Variants in MAN2B1 observed in about 807,000 individuals in gnomAD.
MAN2B1 encodes the protein mannosidase alpha class 2B member 1, also known as lysosomal alpha-mannosidase.
Under a neutral mutation model 127.5 loss-of-function variants are expected in MAN2B1, and 99 were observed. The ratio of observed to expected loss-of-function variants is 0.78; its 90% CI spans 0.66 to 0.92. MAN2B1 has a LOEUF of 0.92. Among genes scored for constraint, MAN2B1 ranks in the 40% least tolerant of loss-of-function variants. The pLI, the probability that MAN2B1 is intolerant of heterozygous loss-of-function variation, is 0.00. For missense variants in MAN2B1, 1,304 were observed against 1,384.8 expected (o/e 0.94, Z 0.93); for synonymous variants, 573 against 568.8 (o/e 1.01, Z -0.11).
At position 12,648,255 on chromosome 19, in the gene MAN2B1, G is replaced by A; in HGVS notation, c.2584C>T (p.Gln862Ter). 6.2e-7 allele frequency: 1 copy of A among 1,603,132 alleles called. No individual in the cohort carries two copies. The highest frequency in any genetic ancestry group is 8.5e-7 in the Non-Finnish European group (1 of 1,177,540). Reference protein sequence around the residue: ...AAAGHRLLAEQEVLAPQVVLA... With the variant: ...AAAGHRLLAE The stretch of plus-strand genomic sequence containing the variant: ...ACCACCTGAGGGGCCAGGACCTCCT[G>A]CTCCGCCAGGAGCCGGTGTCCGGCG... Residue 862 changes from glutamine (Q) to a stop codon, truncating the protein, a stop_gained, in exon 21 of 24, where the codon CAG (glutamine) becomes TAG (stop). Transcript: ENST00000456935. LOFTEE classifies it high-confidence loss of function.
chr19:12,649,903 C>A lies in MAN2B1; in HGVS notation c.2267+10G>T. 1 of 1,594,992 alleles carries A rather than the reference C, an allele frequency of 6.3e-7. No homozygotes were observed. Among genetic ancestry groups the A allele is most frequent in the Non-Finnish European group, 8.6e-7 (1 of 1,165,116 alleles). ...AGACCACCCCCTCAGTGCTCTCAGT[C>A]ACCCCCCACCTCCTCTCCAGGATCT... is the stretch of plus-strand genomic sequence containing the variant. On this transcript the variant is annotated intron_variant, in intron 18 of 23. Transcript: ENST00000456935.
chr19:12,663,754 C>T lies in MAN2B1; in HGVS notation c.712G>A (p.Val238Met), dbSNP rs1243114827. The change falls in exon 5 of 24, where the codon GTG becomes ATG. Residue 238 changes from valine to methionine, a missense_variant. Val to Met is a conservative substitution (Grantham distance 21). Coordinates refer to ENST00000456935, the MANE Select transcript of MAN2B1 (RefSeq NM_000528.4). The stretch of plus-strand genomic sequence containing the variant: ...TTCAGGCTGGTGCTGGCCCGCCACA[C>T]CTGCTCCATCTCCAGCTTCTGCATC... Reference protein sequence around the residue: ...VRMQKLEMEQVWRASTSLKPP... With the variant: ...VRMQKLEMEQMWRASTSLKPP... 3 of 1,614,164 alleles carry T rather than the reference C, an allele frequency of 1.9e-6. No individual in the cohort carries two copies. The highest frequency in any genetic ancestry group is 4.5e-5 in the East Asian group (2 of 44,888).
chr19:12,666,548 A>G lies in MAN2B1; in HGVS notation c.154T>C (p.Tyr52His). 6.3e-7 allele frequency: 1 copy of G among 1,583,046 alleles called. No individual in the cohort carries two copies. Among genetic ancestry groups the G allele is most frequent in the South Asian group, 1.1e-5 (1 of 87,186 alleles). The stretch of plus-strand genomic sequence containing the variant: ...AGCTCGGAGGCCCCACTCACCTCGT[A>G]TCCCCCGGCCCGAGCACCGGCAGCC... Reference protein sequence around the residue: ...LAAAGARAGGYETCPTVQPNM... With the variant: ...LAAAGARAGGHETCPTVQPNM... Residue 52 changes from tyrosine to histidine, a missense_variant, in exon 1 of 24, where the codon TAC becomes CAC. By Grantham distance (83) the Tyr-to-His change is moderately conservative. Coordinates refer to ENST00000456935, the MANE Select transcript of MAN2B1 (RefSeq NM_000528.4).
In MAN2B1 at chr19:12,658,075, T is replaced by C. The variant is rs1354354018; in HGVS notation, c.1297A>G (p.Ser433Gly). ...ANVGPYGSGDSAPLNEAMAVL... is the reference protein window; with the variant it reads ...ANVGPYGSGDGAPLNEAMAVL... Reference sequence around the variant, plus strand: ...GCCCGACACTTACTGAGGGGTGCACTGTCTCCGGAGCCATAGGGTCCCACG... The same window carrying C: ...GCCCGACACTTACTGAGGGGTGCACCGTCTCCGGAGCCATAGGGTCCCACG... Residue 433 changes from serine (S) to glycine (G), a missense_variant, in exon 10 of 24, where the codon AGT becomes GGT. Ser to Gly is a moderately conservative substitution (Grantham distance 56). Transcript: ENST00000456935. 1 of 1,612,684 alleles carries C rather than the reference T, an allele frequency of 6.2e-7. No individual in the cohort carries two copies. The highest frequency in any genetic ancestry group is 2.2e-5 in the East Asian group (1 of 44,838).
Position 12,657,042 on chromosome 19 carries a change from G to A in MAN2B1, c.1434C>T (p.Asn478=). 1.2e-6 allele frequency: 2 copies of A among 1,610,338 alleles called. No homozygotes were observed. Among genetic ancestry groups the A allele is most frequent in the Non-Finnish European group, 1.7e-6 (2 of 1,178,712 alleles). ...GWGPCEVLLS[N]ALARLRGFKD... is the part of the protein sequence containing the mutation. Reference sequence around the variant, plus strand: ...TGAAGCCTCTGAGCCGCGCCAGCGCGTTGCTCAGAAGAACCTGCGGAAGAG... The same window carrying A: ...TGAAGCCTCTGAGCCGCGCCAGCGCATTGCTCAGAAGAACCTGCGGAAGAG... The change falls in exon 12 of 24, where the codon AAC becomes AAT. Residue 478 remains asparagine (N), a synonymous_variant. Coordinates refer to ENST00000456935, the MANE Select transcript of MAN2B1 (RefSeq NM_000528.4).
rs1437494943 is a variant in MAN2B1, at chr19:12,663,726, G to A, written c.740C>T (p.Pro247Leu). 1 of 1,613,280 alleles carries A rather than the reference G, an allele frequency of 6.2e-7. No homozygotes were observed. The highest frequency in any genetic ancestry group is 8.5e-7 in the Non-Finnish European group (1 of 1,179,858). The change falls in exon 5 of 24, where the codon CCC becomes CTC. Residue 247 changes from proline (P) to leucine (L), a missense_variant. Physicochemically the swap from Pro to Leu is moderately conservative, Grantham distance 98 (BLOSUM62 -3). Transcript: ENST00000456935. Reference sequence around the variant, plus strand: ...ACCAGTGAAGAGGTCCGCGGTCGGGGGCTTCAGGCTGGTGCTGGCCCGCCA... The same window carrying A: ...ACCAGTGAAGAGGTCCGCGGTCGGGAGCTTCAGGCTGGTGCTGGCCCGCCA... The part of the protein sequence containing the change: ...QVWRASTSLK[P>L]PTADLFTGVL...
chr19:12,663,344 A>T lies in MAN2B1; in HGVS notation c.882T>A (p.Asp294Glu), dbSNP rs775475187. The T allele has an allele frequency of 5.6e-6, 9 of 1,614,134 alleles. No homozygotes were observed. Among genetic ancestry groups the T allele is most frequent in the Non-Finnish European group, 7.6e-6 (9 of 1,180,024 alleles). ...GGGCAGTGGCCACATTTAGGAAGTA[A>T]TCGACCAGCTCCTTGGCGTTGTACT... Reference protein sequence around the residue: ...SPEYNAKELVDYFLNVATAQG... With the variant: ...SPEYNAKELVEYFLNVATAQG... Residue 294 changes from aspartate to glutamate, a missense_variant, in exon 6 of 24, where the codon GAT becomes GAA. Physicochemically the swap from Asp to Glu is conservative, Grantham distance 45. Coordinates refer to ENST00000456935, the MANE Select transcript of MAN2B1 (RefSeq NM_000528.4).
intron 12 of MAN2B1, 127 bp downstream of exon 12, chr19:12,656,822 G>T: frequency 9.6e-7 from 1 of 1,038,756 alleles, no homozygotes; most frequent in Non-Finnish European, 1.5e-6. Flanking sequence ...GAGATGCGTT[G>T]TTCTCTCTGC....
chr19:12,654,955 G>A (rs775280372), intron 14 of MAN2B1, among the ~76,000 whole-genome samples: 8 of 152,058 alleles, frequency 5.3e-5, no homozygotes, highest in Non-Finnish European at 7.4e-5. Flanking sequence ...TATAATCCAC[G>A]ATGCCTGGCC....
At chr19:12,665,323 C>T (rs2024204736) in intron 3 of MAN2B1, 29 bp downstream of exon 3, 23 of 1,600,482 alleles carry the variant, frequency 1.4e-5, no homozygotes, top group Non-Finnish European at 1.8e-5. Context: ...GCTGGGCTTC[C>T]TCTTTTCACT....
chr19:12,647,068 G>T lies in MAN2B1; in HGVS notation c.2923+165C>A. 1.5e-6 allele frequency: 1 copy of T among 665,634 alleles called. No individual in the cohort carries two copies. The highest frequency in any genetic ancestry group is 2.6e-6 in the Non-Finnish European group (1 of 378,882). 41.2% of individuals were successfully genotyped at this position (665,634 alleles called of 1,614,324 possible). On this transcript the variant is annotated intron_variant, in intron 23 of 23. Coordinates refer to ENST00000456935, the MANE Select transcript of MAN2B1 (RefSeq NM_000528.4). The surrounding 1 kb of genome is among the most constrained non-coding windows in gnomAD (Gnocchi z 4.9). ...CCTCAAGACCCATTCCTGGTTTGCC[G>T]CACCCATTTCAGATCCTTTAAGCCC...
intron 20 of MAN2B1, 125 bp from the exon 21 acceptor site, chr19:12,648,527 TGAA>T: frequency 1.3e-6 from 1 of 746,258 alleles, no homozygotes; most frequent in Non-Finnish European, 2.2e-6. Flanking sequence ...CGGATGAGGA[TGAA>T]GGTGAGGGTC....
At chr19:12,659,712 G>A (rs2145266996) in intron 7 of MAN2B1, among the ~76,000 whole-genome samples, 1 of 152,248 alleles carries the variant, frequency 6.6e-6, no homozygotes, top group Admixed American at 6.5e-5. Context: ...CCAGCTACTT[G>A]GGAGGCTGAG....
chr19:12,656,260 C>T (rs1034977162), intron 13 of MAN2B1: 3 of 447,890 alleles, frequency 6.7e-6, no homozygotes, highest in East Asian at 4.2e-5. Context: ...CAGCCAGGCA[C>T]GGTGGCTCAT....
rs777059806 is a variant in MAN2B1 at position 12,658,220 on chromosome 19, C to T, written c.1230+4G>A. The stretch of plus-strand genomic sequence containing the variant: ...ATGCCCCCTCTAGCCCGGCTCCTAC[C>T]CACCTGCAGGAAGTTGTAGCTGAGG... On this transcript the variant is annotated splice_donor_region_variant and intron_variant, in intron 9 of 23. Transcript: ENST00000456935. The T allele has an allele frequency of 6.2e-6, 10 of 1,613,902 alleles. No individual in the cohort carries two copies. The highest frequency in any genetic ancestry group is 1.3e-5 in the African/African-American group (1 of 74,946).
In MAN2B1 at chr19:12,647,126, C is replaced by T. The variant is rs2023706257; in HGVS notation, c.2923+107G>A. 1.0e-5 allele frequency: 11 copies of T among 1,090,374 alleles called. No homozygotes were observed. In the South Asian group the frequency reaches 1.3e-4, roughly 13 times the overall value. 67.5% of individuals were successfully genotyped at this position (1,090,374 alleles called of 1,614,324 possible). Reference sequence around the variant, plus strand: ...GGGTCTGGACTCTGCCCCATACCCTCATGACCTTTTTGGGTCCTGGCCAAC... The same window carrying T: ...GGGTCTGGACTCTGCCCCATACCCTTATGACCTTTTTGGGTCCTGGCCAAC... On this transcript the variant is annotated intron_variant, in intron 23 of 23. Coordinates refer to ENST00000456935, the MANE Select transcript of MAN2B1 (RefSeq NM_000528.4). This position sits in a 1 kb window ranked among gnomAD's most constrained non-coding sequence, Gnocchi z 4.9.
rs1568297720 is a variant in MAN2B1, at chr19:12,648,175, C to T, written c.2664G>A (p.Gln888=). The T allele has an allele frequency of 3.3e-6, 5 of 1,536,380 alleles. No individual in the cohort carries two copies. Among genetic ancestry groups the T allele is most frequent in the Non-Finnish European group, 4.4e-6 (5 of 1,147,020 alleles). ...CTCTGCCTACCCCGCTGCCCCTCAC[C>T]TGCGTGCGCGGAGGAGCCCCGAGAT... ...AYNLGAPPRT[Q]FSGLRRDLPP... Residue 888 remains glutamine, a splice_region_variant and synonymous_variant, in exon 21 of 24, where the codon CAG becomes CAA. Transcript: ENST00000456935.
At position 12,649,166 on chromosome 19, in the gene MAN2B1, G is replaced by T; in HGVS notation, c.2406C>A (p.Ser802Arg). Residue 802 changes from serine to arginine, a missense_variant, in exon 20 of 24, where the codon AGC becomes AGA. Transcript: ENST00000456935. ...GCTCCAGCGAGCCATCTCTCAGGCT[G>T]CTGCCCCCCTGGGAGCGGTCAGTCA... Reference protein sequence around the residue: ...TVLTDRSQGGSSLRDGSLELM... With the variant: ...TVLTDRSQGGRSLRDGSLELM... The T allele has an allele frequency of 6.2e-7, 1 of 1,612,610 alleles. No homozygotes were observed. Among genetic ancestry groups the T allele is most frequent in the Non-Finnish European group, 8.5e-7 (1 of 1,180,012 alleles).
Position 12,665,370 on chromosome 19 carries a change from G to A in MAN2B1, c.418C>T (p.Arg140Ter), listed in dbSNP as rs370803545. Residue 140 changes from arginine (R) to a stop codon, truncating the protein, a stop_gained, in exon 3 of 24, where the codon CGA (arginine) becomes TGA (stop). Coordinates refer to ENST00000456935, the MANE Select transcript of MAN2B1 (RefSeq NM_000528.4). LOFTEE classifies it high-confidence loss of function. Reference sequence around the variant, plus strand: ...GGCTCACCCTGGCGCACAAGGTCTCGCACGACTTCCTGTGTGGCATTTGTC... The same window carrying A: ...GGCTCACCCTGGCGCACAAGGTCTCACACGACTTCCTGTGTGGCATTTGTC... ...QQTNATQEVV[R>*]DLVRQGRLEF... 1.0e-5 allele frequency: 16 copies of A among 1,607,890 alleles called. No individual in the cohort carries two copies. The highest frequency in any genetic ancestry group is 2.2e-5 in the South Asian group (2 of 91,082).
Sources: allele counts gnomAD v4.1 joint callset (sites outside exome capture counted in the v4.1 genomes callset), GRCh38; gene constraint gnomAD v4.1.1; non-coding constraint Gnocchi (gnomAD v3.1); transcripts MANE v1.5; gene names NCBI Gene and HGNC (gene_info 2026-07-23, HGNC 2026-07-21).